The following TMEM268 variants were observed in gnomAD, a reference collection of about 807,000 sequenced individuals.
TMEM268 encodes the protein transmembrane protein 268, also known as transmembrane protein C9orf91.
TMEM268 carries 24 observed loss-of-function variants against 39.1 expected under a neutral mutation model. That is an observed-to-expected ratio of 0.61 (90% confidence interval 0.44 to 0.86). The LOEUF is 0.86. Ranked by LOEUF, TMEM268 falls within the 40% of genes least tolerant of loss-of-function variation. The pLI is 0.00. For synonymous variants in TMEM268, 176 were observed against 173.5 expected, an observed-to-expected ratio of 1.01 and a Z score of -0.12; for missense variants, 409 against 428.6, an observed-to-expected ratio of 0.95 and a Z score of 0.40.
chr9:114,627,107 T>C (rs1439041990), intron 4 of TMEM268, 101 bp downstream of exon 4: 3 of 790,408 alleles, frequency 3.8e-6, no homozygotes, highest in African/African-American at 3.4e-5. Flanking sequence ...GGTCAGGGGC[T>C]TGGGGGCTGT....
At chr9:114,620,968 C>G (rs1233330412) in intron 2 of TMEM268, among the ~76,000 whole-genome samples, 1 of 151,968 alleles carries the variant, frequency 6.6e-6, no homozygotes, top group Non-Finnish European at 1.5e-5. Context: ...AAATAAATTT[C>G]TTTTTGGCAG....
At chr9:114,622,850 G>A (rs550406193) in intron 2 of TMEM268, among the ~76,000 whole-genome samples, 1 of 152,178 alleles carries the variant, frequency 6.6e-6, no homozygotes, top group East Asian at 1.9e-4. Context: ...CAGTACTTTG[G>A]GAGGCCGAGG....
chr9:114,618,513 A>C (rs1845822955), intron 2 of TMEM268, among the ~76,000 whole-genome samples: 2 of 152,030 alleles, frequency 1.3e-5, no homozygotes, highest in Non-Finnish European at 2.9e-5. Context: ...TCTACTAAAA[A>C]TCAGCTGGAT....
chr9:114,622,152 A>G, intron 2 of TMEM268: 4 of 985,358 alleles, frequency 4.1e-6, no homozygotes, highest in Non-Finnish European at 4.8e-6. Context: ...GGGTTTGGAT[A>G]GGCCAGGAAT....
chr9:114,605,002 G>A, the TMEM268 span, among the ~76,000 whole-genome samples: 7 of 152,202 alleles, frequency 4.6e-5, no homozygotes, highest in African/African-American at 1.7e-4. Context: ...CAGGACATTA[G>A]TGGACTGGGT....
At chr9:114,628,548 C>T (rs906601367) in intron 5 of TMEM268, among the ~76,000 whole-genome samples, 8 of 152,148 alleles carry the variant, frequency 5.3e-5, no homozygotes, top group Non-Finnish European at 8.8e-5. Flanking sequence ...CTCTCATGCA[C>T]TTCCTCTCCC....
rs143980128 is a variant in TMEM268 at position 114,628,199 on chromosome 9, G to A, written c.423G>A (p.Ala141=). 3.7e-6 allele frequency: 6 copies of A among 1,614,046 alleles called. No homozygotes were observed. Among genetic ancestry groups the A allele is most frequent in the African/African-American group, 1.3e-5 (1 of 74,916 alleles). ...GCATGCTGCTCGTGACCCTGGCCGC[G>A]GTGAGCCTGACCTTGACTCTTGTGC... ...WAGMLLVTLA[A]VSLTLTLVLV... Residue 141 remains alanine (A), a synonymous_variant, in exon 5 of 9, where the codon GCG becomes GCA. Transcript: ENST00000288502.
chr9:114,636,481 TA>T (rs1302399114), intron 6 of TMEM268, among the ~76,000 whole-genome samples: 1 of 150,674 alleles, frequency 6.6e-6, no homozygotes, highest in African/African-American at 2.4e-5. Context: ...GAACAGGGTT[TA>T]ACTTTTTCTT....
chr9:114,638,822 C>G, intron 8 of TMEM268, 96 bp downstream of exon 8: 1 of 925,530 alleles, frequency 1.1e-6, no homozygotes, highest in Non-Finnish European at 1.5e-6. Flanking sequence ...CCAAGACATG[C>G]TTCTCTCAGT....
chr9:114,628,776 G>T (rs1846268661), intron 5 of TMEM268, among the ~76,000 whole-genome samples: 1 of 152,124 alleles, frequency 6.6e-6, no homozygotes, highest in African/African-American at 2.4e-5. Context: ...AACTTGTCCT[G>T]GATCCCACTG....
At chr9:114,625,467 T>TA (rs1368010807) in intron 3 of TMEM268, among the ~76,000 whole-genome samples, 6 of 145,010 alleles carry the variant, frequency 4.1e-5, no homozygotes, top group Non-Finnish European at 7.5e-5. Flanking sequence ...TTTTTCAAGA[T>TA]AGAGTGTTGC....
intron 3 of TMEM268, among the ~76,000 whole-genome samples, chr9:114,624,721 C>A (rs1297735926): frequency 6.6e-6 from 1 of 152,186 alleles, no homozygotes; most frequent in African/African-American, 2.4e-5. Context: ...GGACACAGTA[C>A]CTATGTCCAC....
chr9:114,603,904 T>C, the TMEM268 span, among the ~76,000 whole-genome samples: 2 of 152,142 alleles, frequency 1.3e-5, no homozygotes, highest in African/African-American at 4.8e-5. Context: ...TGCCTTGGCC[T>C]CCCAAAGTGC....
intron 1 of TMEM268, among the ~76,000 whole-genome samples, chr9:114,612,868 C>G (rs1363038102): frequency 6.6e-6 from 1 of 152,216 alleles, no homozygotes; most frequent in Non-Finnish European, 1.5e-5. Context: ...TGAGTAGGAA[C>G]TTCAGATTTT....
At chr9:114,637,092 A>G in intron 7 of TMEM268, 22 bp downstream of exon 7, 1 of 1,530,036 alleles carries the variant, frequency 6.5e-7, no homozygotes, top group South Asian at 1.1e-5. Flanking sequence ...TCAGTGAAAA[A>G]ACAAAACAAA....
At chr9:114,641,693 A>G (rs1827347538) in intron 8 of TMEM268, among the ~76,000 whole-genome samples, 1 of 152,106 alleles carries the variant, frequency 6.6e-6, no homozygotes, top group African/African-American at 2.4e-5. Context: ...CTGGAGTGCA[A>G]TGGCGCCATC....
chr9:114,635,644 G>T (rs1276737295), intron 6 of TMEM268, among the ~76,000 whole-genome samples: 1 of 151,994 alleles, frequency 6.6e-6, no homozygotes, highest in Non-Finnish European at 1.5e-5. Flanking sequence ...GCGCCACTGC[G>T]CTCCAGCCTG....
chr9:114,619,100 T>C (rs1845845527), intron 2 of TMEM268, among the ~76,000 whole-genome samples: 1 of 152,170 alleles, frequency 6.6e-6, no homozygotes, highest in South Asian at 2.1e-4. Context: ...TTGTTACTAG[T>C]GTTGTTAGGA....
chr9:114,636,221 G>T (rs1799426176), intron 6 of TMEM268, among the ~76,000 whole-genome samples: 1 of 152,184 alleles, frequency 6.6e-6, no homozygotes, highest in Non-Finnish European at 1.5e-5. Flanking sequence ...GGCCCCTGGG[G>T]TGGAAGGGGA....
Sources: allele counts gnomAD v4.1 joint callset (sites outside exome capture counted in the v4.1 genomes callset), GRCh38; gene constraint gnomAD v4.1.1; transcripts MANE v1.5; gene names NCBI Gene and HGNC (gene_info 2026-07-23, HGNC 2026-07-21).